Variants in FBXO42 observed in about 807,000 individuals in gnomAD.
FBXO42 encodes the protein F-box only protein 42.
Under a neutral mutation model 71.7 loss-of-function variants are expected in FBXO42, and 12 were observed. The ratio of observed to expected loss-of-function variants is 0.17; its 90% CI spans 0.11 to 0.27. The LOEUF is 0.27. FBXO42 is among the 10% of genes least tolerant of loss of function. The pLI, the probability that FBXO42 is intolerant of heterozygous loss-of-function variation, is 1.00. For missense variants in FBXO42, 707 were observed against 911.9 expected, an observed-to-expected ratio of 0.78 and a Z score of 2.89; for synonymous variants, 325 against 327.5, an observed-to-expected ratio of 0.99 and a Z score of 0.08.
At chr1:16,340,639 G>A (rs887177176) in intron 1 of FBXO42, among the ~76,000 whole-genome samples, 47 of 152,004 alleles carry the variant, frequency 3.1e-4, no homozygotes, top group Non-Finnish European at 2.4e-4. Context: ...TGAGGGTTAG[G>A]GTTTTGCCAT....
rs147167146 is a variant in FBXO42 at position 16,321,544 on chromosome 1, C to T, written c.-17-6109G>A. On this transcript the variant is annotated intron_variant, in intron 1 of 9. Coordinates refer to ENST00000375592, the MANE Select transcript of FBXO42 (RefSeq NM_018994.3). Reference sequence around the variant, plus strand: ...TGTTACACCTTCTCAGCTTCCCCAACGTGACTGAATGAATGTACTGGAATC... The same window carrying T: ...TGTTACACCTTCTCAGCTTCCCCAATGTGACTGAATGAATGTACTGGAATC... 5.8e-4 allele frequency among the ~76,000 whole-genome samples: 89 copies of T among 152,300 alleles called. No homozygotes were observed. In the East Asian group the frequency reaches 0.011, roughly 19 times the overall value.
chr1:16,296,228 C>T (rs1308984493), intron 3 of FBXO42, among the ~76,000 whole-genome samples: 1 of 152,132 alleles, frequency 6.6e-6, no homozygotes, highest in African/African-American at 2.4e-5. Context: ...CTTTCCTTGC[C>T]ATCCATTTCA....
Position 16,311,055 on chromosome 1 carries a change from G to A in FBXO42, c.250+4114C>T, listed in dbSNP as rs1225135848. Reference sequence around the variant, plus strand: ...TAAAAAATGGGTCAACGCCGGGCACGGTGGCTCACGCCTGTAATCCCAACA... The same window carrying A: ...TAAAAAATGGGTCAACGCCGGGCACAGTGGCTCACGCCTGTAATCCCAACA... On this transcript the variant is annotated intron_variant, in intron 2 of 9. Transcript: ENST00000375592. Among the ~76,000 whole-genome samples, 3 of 146,872 alleles carry A rather than the reference G, an allele frequency of 2.0e-5. 1 individual carries two copies. Among genetic ancestry groups the A allele is most frequent in the Admixed American group, 6.8e-5 (1 of 14,686 alleles).
intron 1 of FBXO42, among the ~76,000 whole-genome samples, chr1:16,349,971 A>G (rs983056998): frequency 6.6e-6 from 1 of 152,224 alleles, no homozygotes; most frequent in Non-Finnish European, 1.5e-5. Flanking sequence ...CAGTGTTCTC[A>G]TAAAACTCAG....
chr1:16,328,902 C>T (rs1485234230), intron 1 of FBXO42, among the ~76,000 whole-genome samples: 3 of 152,106 alleles, frequency 2.0e-5, no homozygotes, highest in East Asian at 3.9e-4. Flanking sequence ...CGGTGGCTCA[C>T]GCCTGTAATC....
chr1:16,342,486 G>A (rs918068752), intron 1 of FBXO42, among the ~76,000 whole-genome samples: 3 of 150,902 alleles, frequency 2.0e-5, no homozygotes, highest in African/African-American at 7.3e-5. Flanking sequence ...GGAGGCTGGG[G>A]TAGGAGGGTC....
At chr1:16,338,309 G>C (rs913453591) in intron 1 of FBXO42, among the ~76,000 whole-genome samples, 1 of 141,914 alleles carries the variant, frequency 7.0e-6, no homozygotes, top group Non-Finnish European at 1.5e-5. Flanking sequence ...AGGCTGCAGT[G>C]AGCCTCTGCA....
chr1:16,300,317 C>T (rs1374031552), intron 3 of FBXO42, among the ~76,000 whole-genome samples: 3 of 152,096 alleles, frequency 2.0e-5, no homozygotes, highest in Non-Finnish European at 2.9e-5. Context: ...TACTAATCAT[C>T]CCTATTAAAA....
intron 1 of FBXO42, among the ~76,000 whole-genome samples, chr1:16,335,510 T>C (rs948608762): frequency 6.6e-6 from 1 of 152,128 alleles, no homozygotes; most frequent in Non-Finnish European, 1.5e-5. Context: ...TCCTTCTTCC[T>C]TCTTCAATCT....
chr1:16,256,851 C>G, intron 4 of FBXO42, 92 bp from the exon 5 acceptor site: 1 of 1,357,344 alleles, frequency 7.4e-7, no homozygotes, highest in Admixed American at 1.9e-5. Context: ...CCTGGAAGAG[C>G]AACAAAAGGG....
chr1:16,285,669 T>G (rs2082014535), intron 4 of FBXO42, among the ~76,000 whole-genome samples: 2 of 152,202 alleles, frequency 1.3e-5, no homozygotes, highest in Admixed American at 1.3e-4. Flanking sequence ...ATTCTCAGTC[T>G]TTACATGACT....
intron 1 of FBXO42, among the ~76,000 whole-genome samples, chr1:16,340,885 T>C (rs1161046685): frequency 6.6e-6 from 1 of 152,056 alleles, no homozygotes; most frequent in African/African-American, 2.4e-5. Context: ...AGCCAATGAG[T>C]AGCAAAAATA....
chr1:16,251,815 C>CTTCTATGA lies in FBXO42; in HGVS notation c.1039-38_1039-31dup, dbSNP rs771188959. ...AAGACAAAGGACCAGTGCTCACACT[C>CTTCTATGA]TTCTATGATTCTGATTGTTCATTCA... On this transcript the variant is annotated intron_variant, in intron 9 of 9. Transcript: ENST00000375592. The surrounding 1 kb of genome is among the most constrained non-coding windows in gnomAD (Gnocchi z 4.5). The CTTCTATGA allele has an allele frequency of 6.3e-7, 1 of 1,581,466 alleles. No homozygotes were observed. Among genetic ancestry groups the CTTCTATGA allele is most frequent in the Non-Finnish European group, 8.6e-7 (1 of 1,163,160 alleles).
chr1:16,258,800 G>A (rs186817183), intron 4 of FBXO42, among the ~76,000 whole-genome samples: 4 of 151,854 alleles, frequency 2.6e-5, no homozygotes, highest in East Asian at 3.9e-4. Flanking sequence ...GCAGTGATGC[G>A]ATCATGGCTC....
chr1:16,315,315 A>G lies in FBXO42; in HGVS notation c.104T>C (p.Val35Ala), dbSNP rs759638815. Reference sequence around the variant, plus strand: ...ATGTCTAGTCTCCTCAGCCTCCAATACTGGGTGGGGCTCCTCATCTTGATC... The same window carrying G: ...ATGTCTAGTCTCCTCAGCCTCCAATGCTGGGTGGGGCTCCTCATCTTGATC... ...TMDQDEEPHP[V>A]LEAEETRHNR... Residue 35 changes from valine to alanine, a missense_variant, in exon 2 of 10, where the codon GTA becomes GCA. By Grantham distance (64) the Val-to-Ala change is moderately conservative. Around this residue, in one of 5 missense-constraint regions of FBXO42, gnomAD observed 188 missense variants for 230.5 expected, o/e 0.82. Coordinates refer to ENST00000375592, the MANE Select transcript of FBXO42 (RefSeq NM_018994.3). The G allele has an allele frequency of 6.2e-7, 1 of 1,614,036 alleles. No homozygotes were observed.
intron 1 of FBXO42, among the ~76,000 whole-genome samples, chr1:16,337,456 T>C (rs1039407321): frequency 6.6e-6 from 1 of 152,120 alleles, no homozygotes; most frequent in Non-Finnish European, 1.5e-5. Flanking sequence ...ATGAGGAAAA[T>C]TGAGGCTGAG....
chr1:16,309,057 CTTTTTTTT>C (rs58594138), intron 2 of FBXO42, among the ~76,000 whole-genome samples: 5 of 38,688 alleles, frequency 1.3e-4, no homozygotes, highest in African/African-American at 4.8e-4. Flanking sequence ...GACCCCATCT[CTTTTTTTT>C]TTTTTTTTTT....
intron 4 of FBXO42, among the ~76,000 whole-genome samples, chr1:16,279,842 G>A (rs1205586014): frequency 2.5e-5 from 2 of 79,562 alleles, no homozygotes; most frequent in African/African-American, 5.1e-5. Flanking sequence ...TGTTGACAAT[G>A]GTTTTTTTTT....
At chr1:16,256,457 C>T in intron 5 of FBXO42, 149 bp downstream of exon 5, 1 of 778,320 alleles carries the variant, frequency 1.3e-6, no homozygotes, top group Non-Finnish European at 2.0e-6. Context: ...TTGGTAAAAT[C>T]TGTGAATATG....
Sources: gnomAD v4.1 joint callset for allele counts (sites outside exome capture counted in the v4.1 genomes callset) on GRCh38, gnomAD v4.1.1 for gene constraint, gnomAD v4.1.1 regional missense constraint, Gnocchi (gnomAD v3.1) non-coding constraint, MANE v1.5 for transcripts, NCBI Gene and HGNC (gene_info 2026-07-23, HGNC 2026-07-21) for gene names.